Variants in NRG4 observed in about 807,000 individuals in gnomAD.
NRG4 encodes the protein neuregulin 4, also known as pro-neuregulin-4, membrane-bound isoform.
NRG4 carries 10 observed loss-of-function variants against 15.0 expected under a neutral mutation model. The ratio of observed to expected loss-of-function variants is 0.67; its 90% confidence interval spans 0.41 to 1.13. The LOEUF (loss-of-function observed/expected upper bound fraction) is 1.13, where lower values mean the gene tolerates loss of function less well. Among genes scored for constraint, NRG4 ranks in the 50% most tolerant of loss-of-function variants. NRG4 has a pLI of 0.00. For missense variants in NRG4, 139 were observed against 140.2 expected, an observed-to-expected ratio of 0.99 and a Z score of 0.04; for synonymous variants, 41 against 50.1, an observed-to-expected ratio of 0.82 and a Z score of 0.77.
chr15:76,039,769 G>A (rs922289427), intron 4 of NRG4, among the ~76,000 whole-genome samples: 12 of 152,236 alleles, frequency 7.9e-5, no homozygotes, highest in South Asian at 2.1e-4. Context: ...GGCTGGGTGC[G>A]GTGGCTAACA....
intron 5 of NRG4, among the ~76,000 whole-genome samples, chr15:76,023,518 G>GC (rs1352558378): frequency 6.6e-6 from 1 of 152,172 alleles, no homozygotes; most frequent in Admixed American, 6.5e-5. Context: ...AGTTTGGAGA[G>GC]CTGCTGGGAA....
chr15:76,053,462 C>T (rs1224579633), intron 2 of NRG4: 5 of 151,026 alleles, frequency 3.3e-5, no homozygotes, highest in African/African-American at 1.2e-4. Context: ...TGGTGTCTGA[C>T]ATATGGCAAG....
intron 2 of NRG4, among the ~76,000 whole-genome samples, chr15:76,054,482 T>C (rs1363863651): frequency 6.6e-6 from 1 of 152,192 alleles, no homozygotes; most frequent in African/African-American, 2.4e-5. Flanking sequence ...TGGCACGATC[T>C]TGGCTCACTG....
chr15:76,039,757 C>G (rs755376262), intron 4 of NRG4, among the ~76,000 whole-genome samples: 1 of 152,084 alleles, frequency 6.6e-6, no homozygotes, highest in Non-Finnish European at 1.5e-5. Context: ...TACAAAAAGG[C>G]TGGCTGGGTG....
intron 5 of NRG4, among the ~76,000 whole-genome samples, chr15:76,018,013 C>T (rs951262715): frequency 6.6e-6 from 1 of 152,074 alleles, no homozygotes; most frequent in Admixed American, 6.6e-5. Context: ...TTCTTGGAGG[C>T]TCGTTTGTTT....
At position 76,058,279 on chromosome 15, in the gene NRG4, T is replaced by C. The variant is rs116817782; in HGVS notation, c.-327-1260A>G. Among the ~76,000 whole-genome samples the C allele has an allele frequency of 6.7e-3, 1,026 of 152,324 alleles. 15 individuals are homozygous for C. Among genetic ancestry groups the C allele is most frequent in the African/African-American group, 0.024 (988 of 41,558 alleles). ...AGTCCACATTTCTTCCGTCTAGAAA[T>C]GTAGAAAAATCCTTTGGCAACCCAG... On this transcript the variant is annotated intron_variant, in intron 1 of 8. Transcript: ENST00000563910.
At chr15:76,038,233 G>A (rs1185220588) in intron 4 of NRG4, among the ~76,000 whole-genome samples, 4 of 152,152 alleles carry the variant, frequency 2.6e-5, no homozygotes, top group Non-Finnish European at 5.9e-5. Context: ...GAAAAGCAGA[G>A]GAAAAAGTGG....
At position 76,019,271 on chromosome 15, in the gene NRG4, G is replaced by A. The variant is rs138641181; in HGVS notation, c.-56-7985C>T. On this transcript the variant is annotated intron_variant, in intron 5 of 8. Coordinates refer to the NRG4 transcript ENST00000563910. Reference sequence around the variant, plus strand: ...AGTGGATTTTAGCTTGCTGGGCTCCGTGGGGGTGGGATCTGCTGAGCTAGA... The same window carrying A: ...AGTGGATTTTAGCTTGCTGGGCTCCATGGGGGTGGGATCTGCTGAGCTAGA... Among the ~76,000 whole-genome samples, 708 of 152,242 alleles carry A rather than the reference G, an allele frequency of 4.7e-3. 7 individuals are homozygous for A. Among genetic ancestry groups the A allele is most frequent in the African/African-American group, 0.016 (656 of 41,556 alleles).
At chr15:76,046,043 T>A (rs1380220334) in intron 4 of NRG4, among the ~76,000 whole-genome samples, 1 of 151,076 alleles carries the variant, frequency 6.6e-6, no homozygotes, top group East Asian at 1.9e-4. Context: ...ATGTAACCCA[T>A]AAATGTATAT....
At chr15:76,021,600 A>G (rs2035157129) in intron 5 of NRG4, among the ~76,000 whole-genome samples, 1 of 152,220 alleles carries the variant, frequency 6.6e-6, no homozygotes, top group Non-Finnish European at 1.5e-5. Context: ...ATGAAACAAA[A>G]TCAGTATCTT....
chr15:76,043,621 A>G (rs2035797745), intron 4 of NRG4, among the ~76,000 whole-genome samples: 1 of 152,200 alleles, frequency 6.6e-6, no homozygotes, highest in African/African-American at 2.4e-5. Flanking sequence ...AAACTATACC[A>G]ATGCAAGAAA....
intron 4 of NRG4, among the ~76,000 whole-genome samples, chr15:76,043,414 C>A (rs2141956200): frequency 6.6e-6 from 1 of 152,228 alleles, no homozygotes; most frequent in East Asian, 1.9e-4. Context: ...AAGACTTCAT[C>A]AAAAAATTTA....
intron 4 of NRG4, among the ~76,000 whole-genome samples, chr15:76,047,652 A>T (rs931305843): frequency 2.0e-5 from 3 of 150,886 alleles, no homozygotes; most frequent in African/African-American, 7.4e-5. Context: ...GGGTGAAAAA[A>T]GGAATATAAA....
At chr15:75,944,064 GAA>G (rs1419340341) in intron 5 of NRG4, among the ~76,000 whole-genome samples, 2 of 151,424 alleles carry the variant, frequency 1.3e-5, no homozygotes, top group South Asian at 2.1e-4. Flanking sequence ...TAGATGGCAA[GAA>G]AATACCAAGG....
intron 5 of NRG4, among the ~76,000 whole-genome samples, chr15:75,949,998 T>G (rs1057252278): frequency 6.6e-6 from 1 of 152,228 alleles, no homozygotes; most frequent in Non-Finnish European, 1.5e-5. Flanking sequence ...CCTTGTCAAT[T>G]TTTACAAAAA....
At chr15:75,980,258 T>C (rs1346303765) in intron 3 of NRG4, among the ~76,000 whole-genome samples, 2 of 152,160 alleles carry the variant, frequency 1.3e-5, no homozygotes, top group Non-Finnish European at 2.9e-5. Context: ...ACTTTCACCT[T>C]TTCCAAAATG....
At chr15:75,936,104 C>T (rs1251607784), downstream of NRG4, 2 of 152,190 alleles carry the variant, frequency 1.3e-5, no homozygotes, top group South Asian at 2.1e-4. Context: ...TGAGAACTTT[C>T]TATGCAATCT....
At chr15:75,992,077 A>G (rs2034038218) in intron 3 of NRG4, among the ~76,000 whole-genome samples, 2 of 152,144 alleles carry the variant, frequency 1.3e-5, no homozygotes, top group African/African-American at 4.8e-5. Flanking sequence ...TGCACAGTCT[A>G]CTTAGGGTTA....
Position 75,943,519 on chromosome 15 carries a change from T to C in NRG4, c.*119A>G. The C allele has an allele frequency of 1.9e-5, 13 of 684,828 alleles. No individual in the cohort carries two copies. The South Asian group carries it at 2.3e-4, about 12-fold the overall frequency. The allele number at this position is 684,828 out of a possible 1,614,324, so 42.4% of individuals were successfully genotyped here. A position where few individuals can be genotyped will look rare whatever the true frequency, so the allele number is the denominator to read the frequency against. ...AATGGATTATGGTTCATGATACGAG[T>C]TACACAAGCGTTTTATTTAAGAAAT... On this transcript the variant is annotated 3_prime_UTR_variant, in exon 6 of 6. Transcript: ENST00000394907.
Sources: allele counts gnomAD v4.1 joint callset (sites outside exome capture counted in the v4.1 genomes callset), GRCh38; gene constraint gnomAD v4.1.1; transcripts MANE v1.5; gene names NCBI Gene and HGNC (gene_info 2026-07-23, HGNC 2026-07-21).